LRRC4C: variants seen among roughly 807,000 people sequenced by gnomAD.
The protein encoded by LRRC4C is leucine-rich repeat-containing protein 4C.
In LRRC4C, 5 loss-of-function variants were observed where a neutral mutation model predicts 33.6. That is an observed-to-expected ratio of 0.15 (90% confidence interval 0.08 to 0.31). The LOEUF (loss-of-function observed/expected upper bound fraction) is 0.31, where lower values mean the gene tolerates loss of function less well. Among genes scored for constraint, LRRC4C ranks in the 10% least tolerant of loss-of-function variants. LRRC4C has a pLI of 1.00. For missense variants in LRRC4C, 560 were observed against 796.7 expected, an observed-to-expected ratio of 0.70 and a Z score of 3.58; for synonymous variants, 329 against 302.0, an observed-to-expected ratio of 1.09 and a Z score of -0.93.
intron 3 of LRRC4C, among the ~76,000 whole-genome samples, chr11:40,398,656 C>A (rs911818923): frequency 6.6e-6 from 1 of 151,898 alleles, no homozygotes; most frequent in Middle Eastern, 3.4e-3. Flanking sequence ...AGGGTCAAAC[C>A]AAAAAACAGC....
Position 40,796,641 on chromosome 11 carries a change from T to TA in LRRC4C, c.-407+136993_-407+136994insT, listed in dbSNP as rs1345760991. ...AAGAGGGCTAAGCAGAACTCTTTTT[T>TA]TTTTTTTTTTTTTTTTTTATTTTGA... On this transcript the variant is annotated intron_variant, in intron 2 of 6. Coordinates refer to ENST00000528697, the MANE Select transcript of LRRC4C (RefSeq NM_001258419.2). Among the ~76,000 whole-genome samples, 55 of 136,228 alleles carry TA rather than the reference T, an allele frequency of 4.0e-4. 1 individual carries two copies. Among genetic ancestry groups the TA allele is most frequent in the Admixed American group, 2.5e-3 (35 of 14,240 alleles). 89.4% of individuals were successfully genotyped at this position (136,228 alleles called of 152,430 possible).
chr11:40,185,786 T>C (rs112367128), intron 5 of LRRC4C, among the ~76,000 whole-genome samples: 14 of 152,116 alleles, frequency 9.2e-5, no homozygotes, highest in African/African-American at 3.4e-4. Context: ...AGGTCTTGCA[T>C]GAGGATGGGA....
At chr11:40,416,365 C>T (rs982881995) in intron 3 of LRRC4C, among the ~76,000 whole-genome samples, 7 of 151,910 alleles carry the variant, frequency 4.6e-5, no homozygotes, top group African/African-American at 1.7e-4. Context: ...AGTAGGGGAT[C>T]AAGATGGGGG....
At chr11:40,490,066 A>T (rs1311244195) in intron 3 of LRRC4C, among the ~76,000 whole-genome samples, 1 of 152,140 alleles carries the variant, frequency 6.6e-6, no homozygotes, top group Non-Finnish European at 1.5e-5. Flanking sequence ...AGTGCCTGCC[A>T]TCTTTGTGTC....
In LRRC4C at chr11:40,439,945, C is replaced by T. The variant is rs111406531; in HGVS notation, c.-269-120224G>A. Among the ~76,000 whole-genome samples the T allele has an allele frequency of 3.2e-4, 49 of 152,280 alleles. 2 individuals are homozygous for T. The highest frequency in any genetic ancestry group is 1.1e-3 in the African/African-American group (45 of 41,560). ...GGCCACATACCACCTGTCACTTGTTCTTTTAAATAAAGTTTTGTTTGAATG... is the reference window on the plus strand; with the variant it reads ...GGCCACATACCACCTGTCACTTGTTTTTTTAAATAAAGTTTTGTTTGAATG... On this transcript the variant is annotated intron_variant, in intron 3 of 6. Coordinates refer to ENST00000528697, the MANE Select transcript of LRRC4C (RefSeq NM_001258419.2).
chr11:41,087,984 G>A (rs552903998), intron 1 of LRRC4C, among the ~76,000 whole-genome samples: 3 of 152,034 alleles, frequency 2.0e-5, no homozygotes, highest in Admixed American at 2.0e-4. Context: ...CTAAGTTAAC[G>A]AAAGTATTCA....
chr11:40,689,020 C>T (rs1208498276), intron 2 of LRRC4C, among the ~76,000 whole-genome samples: 1 of 151,726 alleles, frequency 6.6e-6, no homozygotes, highest in Non-Finnish European at 1.5e-5. Context: ...GATGAGGATA[C>T]TTTTCTTGTA....
intron 3 of LRRC4C, chr11:40,351,563 A>C: frequency 6.6e-6 from 1 of 152,040 alleles, no homozygotes; most frequent in East Asian, 1.9e-4. Flanking sequence ...TATTTGCTTT[A>C]GACTAGTCCT....
chr11:40,845,546 T>C (rs1953118383), intron 2 of LRRC4C, among the ~76,000 whole-genome samples: 1 of 152,234 alleles, frequency 6.6e-6, no homozygotes, highest in Non-Finnish European at 1.5e-5. Flanking sequence ...TTCCATGGTA[T>C]ATATGTGCCA....
intron 1 of LRRC4C, among the ~76,000 whole-genome samples, chr11:41,094,723 T>C (rs921890370): frequency 1.3e-5 from 2 of 152,194 alleles, no homozygotes; most frequent in African/African-American, 2.4e-5. Flanking sequence ...GTAAGCCCTA[T>C]ACAAGATCAA....
At chr11:41,092,845 G>A (rs1414444235) in intron 1 of LRRC4C, among the ~76,000 whole-genome samples, 2 of 152,204 alleles carry the variant, frequency 1.3e-5, no homozygotes, top group Non-Finnish European at 2.9e-5. Context: ...ATGCCTCATG[G>A]CATGCAATGA....
chr11:40,420,274 A>G (rs1157976742), intron 3 of LRRC4C, among the ~76,000 whole-genome samples: 1 of 152,154 alleles, frequency 6.6e-6, no homozygotes, highest in Non-Finnish European at 1.5e-5. Flanking sequence ...GTTTTCCCTC[A>G]AGGTTCTTCC....
At chr11:40,720,474 A>G (rs926676760) in intron 2 of LRRC4C, among the ~76,000 whole-genome samples, 4 of 152,180 alleles carry the variant, frequency 2.6e-5, no homozygotes, top group Admixed American at 1.3e-4. Flanking sequence ...CAAGTTCCTT[A>G]AGAGATATAA....
chr11:40,448,583 T>C (rs969456270), intron 3 of LRRC4C, among the ~76,000 whole-genome samples: 32 of 152,192 alleles, frequency 2.1e-4, no homozygotes, highest in Non-Finnish European at 4.7e-4. Context: ...CATGAACTCA[T>C]CCTTTTTTAC....
intron 1 of LRRC4C, among the ~76,000 whole-genome samples, chr11:41,316,278 AAC>A (rs1491406579): frequency 4.1e-5 from 6 of 147,728 alleles, no homozygotes; most frequent in East Asian, 2.0e-4. Flanking sequence ...AAAAAAAAAA[AAC>A]AAAAAAAAAC....
At chr11:40,661,947 T>A (rs891505484) in intron 2 of LRRC4C, among the ~76,000 whole-genome samples, 1 of 152,128 alleles carries the variant, frequency 6.6e-6, no homozygotes, top group Non-Finnish European at 1.5e-5. Flanking sequence ...GCAGAGACAT[T>A]TATCTAAATT....
intron 1 of LRRC4C, among the ~76,000 whole-genome samples, chr11:41,259,586 G>A (rs899553500): frequency 7.9e-5 from 12 of 151,956 alleles, no homozygotes; most frequent in African/African-American, 2.7e-4. Flanking sequence ...ATGCGCAAAT[G>A]CAGTTTAGAC....
intron 3 of LRRC4C, among the ~76,000 whole-genome samples, chr11:40,368,550 C>T (rs1948314597): frequency 6.6e-6 from 1 of 152,152 alleles, no homozygotes; most frequent in African/African-American, 2.4e-5. Context: ...TTCCTAAGGG[C>T]TTCCAGTTCC....
At chr11:40,552,203 T>C (rs1957151022) in intron 3 of LRRC4C, among the ~76,000 whole-genome samples, 1 of 152,170 alleles carries the variant, frequency 6.6e-6, no homozygotes, top group Admixed American at 6.5e-5. Flanking sequence ...GTTCTATTTT[T>C]CTGGAGAATC....
Sources: allele counts gnomAD v4.1 joint callset (sites outside exome capture counted in the v4.1 genomes callset), GRCh38; gene constraint gnomAD v4.1.1; transcripts MANE v1.5; gene names NCBI Gene and HGNC (gene_info 2026-07-23, HGNC 2026-07-21).